CEP128: variants seen among roughly 807,000 people sequenced by gnomAD.
The protein encoded by CEP128 is centrosomal protein 128kDa.
CEP128 carries 132 observed loss-of-function variants against 156.7 expected under a neutral mutation model. The observed-to-expected ratio is 0.84, with a 90% CI of 0.73 to 0.97. CEP128 has a LOEUF of 0.97. Ranked by LOEUF, CEP128 falls within the 50% of genes least tolerant of loss-of-function variation. The probability of loss-of-function intolerance (pLI) is 0.00; values close to 1 mark genes in which losing one functional copy is unlikely to be tolerated. For missense variants in CEP128, 1,252 were observed against 1,281.9 expected (o/e 0.98, Z 0.36); for synonymous variants, 469 against 448.9 (o/e 1.04, Z -0.57).
At chr14:80,540,460 G>A (rs961272569) in intron 21 of CEP128, among the ~76,000 whole-genome samples, 6 of 152,220 alleles carry the variant, frequency 3.9e-5, no homozygotes, top group African/African-American at 1.4e-4. Flanking sequence ...CACTTTGCGG[G>A]AATGAATAGT....
intron 19 of CEP128, among the ~76,000 whole-genome samples, chr14:80,713,294 C>T (rs907528001): frequency 1.3e-5 from 2 of 152,086 alleles, no homozygotes; most frequent in African/African-American, 4.8e-5. Context: ...TCTTCCTCTC[C>T]TGCTTCTAAT....
At chr14:80,789,552 C>A (rs1160930985) in intron 14 of CEP128, among the ~76,000 whole-genome samples, 1 of 152,048 alleles carries the variant, frequency 6.6e-6, no homozygotes, top group Admixed American at 6.6e-5. Flanking sequence ...CAGGTTGATG[C>A]AAAGCCAAGT....
intron 7 of CEP128, among the ~76,000 whole-genome samples, chr14:80,897,403 T>G (rs1034101728): frequency 2.0e-5 from 3 of 152,174 alleles, no homozygotes; most frequent in African/African-American, 7.2e-5. Context: ...TGCTGACCAC[T>G]CTTAAATTTT....
intron 24 of CEP128, among the ~76,000 whole-genome samples, chr14:80,498,641 G>A (rs1475151899): frequency 3.9e-5 from 6 of 152,142 alleles, no homozygotes; most frequent in Non-Finnish European, 8.8e-5. Context: ...ACCTCCTCAG[G>A]GAGGCAGATC....
intron 21 of CEP128, among the ~76,000 whole-genome samples, chr14:80,550,842 C>T (rs1171438086): frequency 6.7e-6 from 1 of 148,152 alleles, no homozygotes; most frequent in African/African-American, 2.5e-5. Flanking sequence ...CCAAAGCTTC[C>T]AAAAAGTATA....
chr14:80,524,732 T>G (rs887658599), intron 23 of CEP128, among the ~76,000 whole-genome samples: 1 of 152,228 alleles, frequency 6.6e-6, no homozygotes, highest in Non-Finnish European at 1.5e-5. Flanking sequence ...CTGTGACATA[T>G]GGTGATAGTC....
chr14:80,839,351 T>C (rs931625663), intron 10 of CEP128, among the ~76,000 whole-genome samples: 1 of 152,222 alleles, frequency 6.6e-6, no homozygotes, highest in Non-Finnish European at 1.5e-5. Context: ...ACAACTGCTA[T>C]CTGTATATTA....
chr14:80,788,901 CT>C (rs1477196681), intron 14 of CEP128, among the ~76,000 whole-genome samples: 1 of 152,166 alleles, frequency 6.6e-6, no homozygotes, highest in African/African-American at 2.4e-5. Flanking sequence ...ACTGCTCCAG[CT>C]CTCTGCAATT....
At chr14:80,481,345 C>T (rs1173482982) in intron 14 of CEP128, among the ~76,000 whole-genome samples, 1 of 152,168 alleles carries the variant, frequency 6.6e-6, no homozygotes, top group Non-Finnish European at 1.5e-5. Context: ...TATTCGCTAT[C>T]AGAAGAACAG....
At chr14:80,743,935 G>A (rs1566890143) in intron 18 of CEP128, among the ~76,000 whole-genome samples, 1 of 149,464 alleles carries the variant, frequency 6.7e-6, no homozygotes, top group Non-Finnish European at 1.5e-5. Context: ...ACAGTGGCAC[G>A]CTCTTGGCTC....
intron 19 of CEP128, among the ~76,000 whole-genome samples, chr14:80,623,726 C>G (rs1015941764): frequency 1.3e-5 from 2 of 151,494 alleles, no homozygotes; most frequent in Non-Finnish European, 2.9e-5. Context: ...CTCTAATTAG[C>G]AAAAAGTGGA....
rs535068119 is a variant in CEP128 at position 80,504,628 on chromosome 14, G to C, written c.3181+284C>G. ...AACTTTCTTTACTCATTCATCCATA[G>C]TTACTGGCAATCTCCAAACGAAAAA... On this transcript the variant is annotated intron_variant, in intron 24 of 24. Coordinates refer to ENST00000555265, the MANE Select transcript of CEP128 (RefSeq NM_152446.5). Among the ~76,000 whole-genome samples the C allele has an allele frequency of 4.3e-4, 65 of 152,232 alleles. 1 individual carries two copies. The South Asian group carries it at 0.013, about 31-fold the overall frequency.
In CEP128 at chr14:80,665,296, AC is replaced by A. The variant is rs1329356532; in HGVS notation, c.2806+77778del. 2.0e-5 allele frequency among the ~76,000 whole-genome samples: 3 copies of A among 152,164 alleles called. No homozygotes were observed. The East Asian group carries it at 5.8e-4, about 29-fold the overall frequency. On this transcript the variant is annotated intron_variant, in intron 19 of 24. Coordinates refer to ENST00000555265, the MANE Select transcript of CEP128 (RefSeq NM_152446.5). ...CAATAGTCAAAACTACCAATATGAG[AC>A]CCCCTAGGCTAAAGCAAAACAAAAT... is the stretch of plus-strand genomic sequence containing the variant.
intron 20 of CEP128, among the ~76,000 whole-genome samples, chr14:80,579,878 T>A (rs1212640048): frequency 6.6e-6 from 1 of 152,220 alleles, no homozygotes; most frequent in African/African-American, 2.4e-5. Flanking sequence ...TCGAGTGGAA[T>A]CTTTCTAACA....
At chr14:80,862,736 A>T (rs1385386540) in intron 9 of CEP128, 21 bp downstream of exon 9, 6 of 1,452,058 alleles carry the variant, frequency 4.1e-6, no homozygotes, top group South Asian at 2.3e-5. Flanking sequence ...TTTACATTCC[A>T]TGAAAGTGTT....
chr14:80,641,997 G>A (rs1894429467), intron 19 of CEP128, among the ~76,000 whole-genome samples: 1 of 149,856 alleles, frequency 6.7e-6, no homozygotes, highest in Non-Finnish European at 1.5e-5. Flanking sequence ...GGCTGAGGCA[G>A]AAGAATGATG....
At chr14:80,878,576 G>A (rs556811931) in intron 8 of CEP128, among the ~76,000 whole-genome samples, 1 of 152,094 alleles carries the variant, frequency 6.6e-6, no homozygotes, top group Non-Finnish European at 1.5e-5. Context: ...TGCCCTGTTG[G>A]TTCTAGGTCC....
At chr14:80,735,721 C>A in intron 19 of CEP128, among the ~76,000 whole-genome samples, 1 of 152,156 alleles carries the variant, frequency 6.6e-6, no homozygotes, top group East Asian at 1.9e-4. Flanking sequence ...TGGGCTAAAT[C>A]AAGTGTTAGC....
At chr14:80,601,180 A>G (rs546868655) in intron 19 of CEP128, among the ~76,000 whole-genome samples, 2 of 152,218 alleles carry the variant, frequency 1.3e-5, no homozygotes, top group South Asian at 2.1e-4. Context: ...AAATTGAGGG[A>G]AAAAAAGACA....
Sources: gnomAD v4.1 joint callset for allele counts (sites outside exome capture counted in the v4.1 genomes callset) on GRCh38, gnomAD v4.1.1 for gene constraint, MANE v1.5 for transcripts, NCBI Gene and HGNC (gene_info 2026-07-23, HGNC 2026-07-21) for gene names.